The following ADAMDEC1 variants were observed in gnomAD, a reference collection of about 807,000 sequenced individuals.
ADAMDEC1 encodes ADAM DEC1.
A neutral mutation model predicts 60.4 loss-of-function variants in ADAMDEC1; 62 were observed. The ratio of observed to expected loss-of-function variants is 1.03; its 90% CI spans 0.84 to 1.27. The LOEUF is 1.27. Ranked by LOEUF, ADAMDEC1 falls within the 50% of genes most tolerant of loss-of-function variation. ADAMDEC1 has a pLI of 0.00. For synonymous variants in ADAMDEC1, 210 were observed against 195.1 expected (o/e 1.08, Z -0.64); for missense variants, 595 against 565.0 (o/e 1.05, Z -0.54).
rs769950360 is a variant in ADAMDEC1 at position 24,404,088 on chromosome 8, C to A, written c.1406C>A (p.Thr469Lys). 3.1e-6 allele frequency: 5 copies of A among 1,612,000 alleles called. No individual in the cohort carries two copies. Among genetic ancestry groups the A allele is most frequent in the Non-Finnish European group, 4.2e-6 (5 of 1,179,232 alleles). The change falls in exon 13 of 14, where the codon ACA (threonine) becomes AAA (lysine). Residue 469 changes from threonine (T) to lysine (K), a missense_variant and splice_region_variant. Transcript: ENST00000256412. ...DCGGDAPNHT[T>K]E Reference sequence around the variant, plus strand: ...GGAGGAGATGCTCCAAACCATACCACGTAAGACCTTTTGTTTTCTTTGTTC... The same window carrying A: ...GGAGGAGATGCTCCAAACCATACCAAGTAAGACCTTTTGTTTTCTTTGTTC...
chr8:24,389,529 C>T (rs376974214), intron 1 of ADAMDEC1, among the ~76,000 whole-genome samples: 15 of 152,266 alleles, frequency 9.9e-5, no homozygotes, highest in Admixed American at 7.9e-4. Context: ...CTGCAGGATA[C>T]TCTTGACAGA....
Position 24,400,177 on chromosome 8 carries a change from A to G in ADAMDEC1, c.1019A>G (p.Lys340Arg), listed in dbSNP as rs768299279. The G allele has an allele frequency of 6.3e-7, 1 of 1,577,636 alleles. No individual in the cohort carries two copies. The highest frequency in any genetic ancestry group is 8.6e-7 in the Non-Finnish European group (1 of 1,167,232). Residue 340 changes from lysine to arginine, a missense_variant, in exon 11 of 14, where the codon AAA becomes AGA. By Grantham distance (26) the Lys-to-Arg change is conservative (BLOSUM62 2). Transcript: ENST00000256412. ...TATATCTACTTTTTCCAGGCTAAAAAAAAGAATAATGTGGCTCTTGTAGGA... is the reference window on the plus strand; with the variant it reads ...TATATCTACTTTTTCCAGGCTAAAAGAAAGAATAATGTGGCTCTTGTAGGA... ...PSSVAVIEAKKKNNVALVGVM... is the reference protein window; with the variant it reads ...PSSVAVIEAKRKNNVALVGVM...
rs1817688559 is a variant in ADAMDEC1, at chr8:24,398,962, G to A, written c.851G>A (p.Ser284Asn). 2 of 1,613,838 alleles carry A rather than the reference G, an allele frequency of 1.2e-6. No homozygotes were observed. The highest frequency in any genetic ancestry group is 1.7e-6 in the Non-Finnish European group (2 of 1,179,868). Residue 284 changes from serine to asparagine, a missense_variant, in exon 9 of 14, where the codon AGC (serine) becomes AAC (asparagine). Ser to Asn is a conservative substitution (Grantham distance 46). Coordinates refer to ENST00000256412, the MANE Select transcript of ADAMDEC1 (RefSeq NM_014479.3). ...GDKIKVVPSA[S>N]TTFDNFLRWH... ...AAGATAAAGGTGGTGCCCAGCGCAAGCACCACGTTTGACAACTTCCTGAGA... is the reference window on the plus strand; with the variant it reads ...AAGATAAAGGTGGTGCCCAGCGCAAACACCACGTTTGACAACTTCCTGAGA...
chr8:24,403,949 C>G (rs1817825841), intron 12 of ADAMDEC1, 54 bp from the exon 13 acceptor site: 1 of 1,457,884 alleles, frequency 6.9e-7, no homozygotes, highest in Non-Finnish European at 9.6e-7. Context: ...ATCACCTAGT[C>G]TATGGGAAGA....
chr8:24,398,174 T>C (rs1410508442), intron 7 of ADAMDEC1, among the ~76,000 whole-genome samples: 1 of 151,842 alleles, frequency 6.6e-6, no homozygotes, highest in Non-Finnish European at 1.5e-5. Flanking sequence ...CTAGTAAATA[T>C]TGTTTTGTAA....
chr8:24,394,359 A>T (rs1057451661), intron 4 of ADAMDEC1, among the ~76,000 whole-genome samples: 5 of 152,198 alleles, frequency 3.3e-5, no homozygotes, highest in Non-Finnish European at 4.4e-5. Flanking sequence ...CTTTTAAAAC[A>T]TAGGAGCAGC....
chr8:24,397,458 T>C lies in ADAMDEC1; in HGVS notation c.627+2T>C, dbSNP rs747757838. ...TCTAGATCACTCAAAAGCCCAGAGG[T>C]GAATACAATTCCCTTACCTCATCAT... On this transcript the variant is annotated splice_donor_variant, in intron 6 of 13. Coordinates refer to ENST00000256412, the MANE Select transcript of ADAMDEC1 (RefSeq NM_014479.3). LOFTEE classifies it high-confidence loss of function. The C allele has an allele frequency of 9.3e-6, 15 of 1,612,510 alleles. No individual in the cohort carries two copies. In the South Asian group the frequency reaches 1.5e-4, roughly 17 times the overall value.
At chr8:24,394,760 C>A (rs1428764910) in intron 4 of ADAMDEC1, among the ~76,000 whole-genome samples, 3 of 152,116 alleles carry the variant, frequency 2.0e-5, no homozygotes, top group Admixed American at 2.0e-4. Flanking sequence ...AGACTTCTGC[C>A]ACAGAATGGT....
At chr8:24,399,838 C>T (rs1270816123) in intron 10 of ADAMDEC1, among the ~76,000 whole-genome samples, 2 of 152,130 alleles carry the variant, frequency 1.3e-5, no homozygotes, top group Non-Finnish European at 2.9e-5. Context: ...GTCATATGGC[C>T]AAGAACTCCA....
chr8:24,396,283 G>C (rs1438174322), intron 5 of ADAMDEC1, among the ~76,000 whole-genome samples: 1 of 152,172 alleles, frequency 6.6e-6, no homozygotes, highest in East Asian at 1.9e-4. Flanking sequence ...GGGCGAGGCG[G>C]GCAGATCAGG....
chr8:24,389,187 G>A (rs1297857836), intron 1 of ADAMDEC1, among the ~76,000 whole-genome samples: 1 of 152,042 alleles, frequency 6.6e-6, no homozygotes, highest in Non-Finnish European at 1.5e-5. Flanking sequence ...GAGTTGCTTT[G>A]GCCTCTACAG....
rs143693498 is a variant in ADAMDEC1, at chr8:24,402,033, C to G, written c.1261C>G (p.Pro421Ala). 4 of 1,612,990 alleles carry G rather than the reference C, an allele frequency of 2.5e-6. No homozygotes were observed. In the African/African-American group the frequency reaches 4.0e-5, roughly 16 times the overall value. The stretch of plus-strand genomic sequence containing the variant: ...TATTCCTACAAATATAATGACAACA[C>G]CAGTGTGTGGGAACCACCTTCTAGA... ...APIPTNIMTT[P>A]VCGNHLLEVG... is the part of the protein sequence containing the mutation. Residue 421 changes from proline to alanine, a missense_variant, in exon 12 of 14, where the codon CCA (proline) becomes GCA (alanine). Physicochemically the swap from Pro to Ala is conservative, Grantham distance 27. Coordinates refer to ENST00000256412, the MANE Select transcript of ADAMDEC1 (RefSeq NM_014479.3).
chr8:24,391,117 C>T (rs1034237775), intron 1 of ADAMDEC1, among the ~76,000 whole-genome samples: 1 of 152,248 alleles, frequency 6.6e-6, no homozygotes, highest in East Asian at 1.9e-4. Context: ...GACAGCATTA[C>T]AGCAGAACTT....
At chr8:24,385,984 CAG>C (rs1817281560) in intron 1 of ADAMDEC1, among the ~76,000 whole-genome samples, 1 of 151,872 alleles carries the variant, frequency 6.6e-6, no homozygotes, top group Non-Finnish European at 1.5e-5. Flanking sequence ...CCCCATTCCT[CAG>C]AGGTCTCAAA....
rs368913512 is a variant in ADAMDEC1, at chr8:24,400,192, C to T, written c.1034C>T (p.Ala345Val). The T allele has an allele frequency of 5.0e-6, 8 of 1,592,134 alleles. No individual in the cohort carries two copies. Among genetic ancestry groups the T allele is most frequent in the South Asian group, 2.3e-5 (2 of 85,258 alleles). ...CAGGCTAAAAAAAAGAATAATGTGG[C>T]TCTTGTAGGAGTGATGTCACATGAG... ...VIEAKKKNNV[A>V]LVGVMSHELG... Residue 345 changes from alanine (A) to valine (V), a missense_variant, in exon 11 of 14, where the codon GCT becomes GTT. Ala to Val is a moderately conservative substitution (Grantham distance 64). Transcript: ENST00000256412.
At chr8:24,394,743 A>T (rs1375569928) in intron 4 of ADAMDEC1, among the ~76,000 whole-genome samples, 1 of 151,694 alleles carries the variant, frequency 6.6e-6, no homozygotes, top group Non-Finnish European at 1.5e-5. Flanking sequence ...TCTCTATATA[A>T]AAAAAAAGAC....
At chr8:24,394,239 T>G in intron 4 of ADAMDEC1, 92 bp downstream of exon 4, 1 of 984,916 alleles carries the variant, frequency 1.0e-6, no homozygotes, top group East Asian at 2.6e-5. Context: ...GGCTCAATTA[T>G]TTTATAAAAT....
intron 10 of ADAMDEC1, among the ~76,000 whole-genome samples, chr8:24,399,793 G>C (rs1293774047): frequency 6.6e-6 from 1 of 152,184 alleles, no homozygotes; most frequent in African/African-American, 2.4e-5. Flanking sequence ...TCTATGGCCA[G>C]AGAGGCCAGA....
intron 1 of ADAMDEC1, among the ~76,000 whole-genome samples, chr8:24,386,596 T>A (rs1339739560): frequency 6.6e-6 from 1 of 152,172 alleles, no homozygotes; most frequent in Non-Finnish European, 1.5e-5. Context: ...CTGTGCTGGC[T>A]TAACACCTCC....
Sources: gnomAD v4.1 joint callset for allele counts (sites outside exome capture counted in the v4.1 genomes callset) on GRCh38, gnomAD v4.1.1 for gene constraint, MANE v1.5 for transcripts, NCBI Gene and HGNC (gene_info 2026-07-23, HGNC 2026-07-21) for gene names.